FOXN1: variants seen among roughly 807,000 people sequenced by gnomAD.
FOXN1 encodes the protein forkhead box N1.
FOXN1 carries 15 observed loss-of-function variants against 49.0 expected under a neutral mutation model. That is an observed-to-expected ratio of 0.31 (90% CI 0.20 to 0.47). The LOEUF (loss-of-function observed/expected upper bound fraction) is 0.47, where lower values mean the gene tolerates loss of function less well. Ranked by LOEUF, FOXN1 falls within the 20% of genes least tolerant of loss-of-function variation. The pLI is 1.00. For missense variants in FOXN1, 800 were observed against 842.8 expected (o/e 0.95, Z 0.63); for synonymous variants, 356 against 369.0 (o/e 0.96, Z 0.40).
intron 1 of FOXN1, among the ~76,000 whole-genome samples, chr17:28,512,486 A>G (rs534623807): frequency 6.8e-4 from 103 of 152,240 alleles, no homozygotes; most frequent in Admixed American, 9.8e-4. Flanking sequence ...GCTTCAAAAA[A>G]TCCCTGGGAA....
intron 6 of FOXN1, among the ~76,000 whole-genome samples, chr17:28,533,489 C>CCCA (rs2069967340): frequency 6.7e-6 from 1 of 150,254 alleles, no homozygotes; most frequent in African/African-American, 2.5e-5. Flanking sequence ...ACGAGCACCC[C>CCCA]CCCCCACTGC....
chr17:28,519,307 G>A (rs1234105923), intron 1 of FOXN1, among the ~76,000 whole-genome samples: 2 of 151,990 alleles, frequency 1.3e-5, no homozygotes, highest in Admixed American at 6.6e-5. Context: ...CTCCAGCCTG[G>A]GCGACAGCAA....
At chr17:28,516,167 C>G (rs950784658) in intron 1 of FOXN1, among the ~76,000 whole-genome samples, 12 of 151,262 alleles carry the variant, frequency 7.9e-5, no homozygotes, top group Admixed American at 7.2e-4. Context: ...GGATCCATAC[C>G]TCCACAGGGT....
rs911400955 is a variant in FOXN1, at chr17:28,535,044, G to A, written c.1473G>A (p.Ser491=). ...LRAQPGTPQD[S]PLPAHTPPSH... is the part of the protein sequence containing the mutation. ...CCCAGCCAGGCACCCCCCAGGACTCGCCTCTGCCTGCCCACACCCCACCCA... is the reference window on the plus strand; with the variant it reads ...CCCAGCCAGGCACCCCCCAGGACTCACCTCTGCCTGCCCACACCCCACCCA... Residue 491 remains serine (S), a synonymous_variant, in exon 8 of 9, where the codon TCG becomes TCA. Coordinates refer to ENST00000579795, the MANE Select transcript of FOXN1 (RefSeq NM_001369369.1). The A allele has an allele frequency of 1.1e-5, 17 of 1,612,000 alleles. No individual in the cohort carries two copies. Among genetic ancestry groups the A allele is most frequent in the East Asian group, 4.5e-5 (2 of 44,848 alleles).
chr17:28,521,433 G>A (rs936352229), intron 1 of FOXN1, among the ~76,000 whole-genome samples: 5 of 152,226 alleles, frequency 3.3e-5, no homozygotes, highest in African/African-American at 1.2e-4. Context: ...CCGGGGTGAG[G>A]TGTGGCCTCC....
chr17:28,517,758 T>A (rs372273720), intron 1 of FOXN1, among the ~76,000 whole-genome samples: 152 of 59,476 alleles, frequency 2.6e-3, no homozygotes, highest in Non-Finnish European at 2.9e-3. Context: ...ATGCCTGCAC[T>A]GGGTACACAC....
chr17:28,531,334 G>T (rs572628140), intron 6 of FOXN1, among the ~76,000 whole-genome samples: 2 of 152,314 alleles, frequency 1.3e-5, no homozygotes, highest in South Asian at 2.1e-4. Context: ...CTGCAGTTCT[G>T]CCAGAAAGCG....
intron 1 of FOXN1, among the ~76,000 whole-genome samples, chr17:28,511,757 C>T (rs1411636889): frequency 6.6e-6 from 1 of 152,028 alleles, no homozygotes; most frequent in African/African-American, 2.4e-5. Flanking sequence ...GGAAAGGACC[C>T]TCCTGCAGTC....
At chr17:28,518,143 C>T (rs2069569137) in intron 1 of FOXN1, among the ~76,000 whole-genome samples, 1 of 152,060 alleles carries the variant, frequency 6.6e-6, no homozygotes, top group Non-Finnish European at 1.5e-5. Flanking sequence ...GGGTACACAC[C>T]TCCACATGGT....
chr17:28,537,223 T>C lies in FOXN1; in HGVS notation c.1734T>C (p.Pro578=). 6.2e-7 allele frequency: 1 copy of C among 1,613,898 alleles called. No individual in the cohort carries two copies. The change falls in exon 9 of 9, where the codon CCT becomes CCC. Residue 578 remains proline (P), a synonymous_variant. Coordinates refer to ENST00000579795, the MANE Select transcript of FOXN1 (RefSeq NM_001369369.1). The part of the protein sequence containing the change: ...SSSMPPPQPP[P]HCFPPGPCLT... ...CGATGCCACCACCCCAGCCACCACC[T>C]CACTGCTTCCCCCCTGGGCCCTGTC...
Position 28,524,876 on chromosome 17 carries a change from C to T in FOXN1, c.497C>T (p.Ala166Val), listed in dbSNP as rs367793349. 1.9e-4 allele frequency: 308 copies of T among 1,613,652 alleles called. 2 individuals carry two copies. In the South Asian group the frequency reaches 2.3e-3, roughly 12 times the overall value. The change falls in exon 3 of 9, where the codon GCG becomes GTG. Residue 166 changes from alanine (A) to valine (V), a missense_variant. Coordinates refer to ENST00000579795, the MANE Select transcript of FOXN1 (RefSeq NM_001369369.1). ...TTCGAGGAGATCCCAGTGGACGTGG[C>T]GGAGGCCGAGGCCTTCCTGCCTGGC... is the stretch of plus-strand genomic sequence containing the variant. ...EAFEEIPVDV[A>V]EAEAFLPGFS...
At chr17:28,537,040 G>A in intron 8 of FOXN1, 77 bp from the exon 9 acceptor site, 1 of 1,098,040 alleles carries the variant, frequency 9.1e-7, no homozygotes, top group Non-Finnish European at 1.4e-6. Flanking sequence ...AGCATGTGAA[G>A]ATTGACAGGG....
In FOXN1 at chr17:28,534,245, A is replaced by C; in HGVS notation, c.928-86A>C. On this transcript the variant is annotated intron_variant, in intron 6 of 8. Coordinates refer to ENST00000579795, the MANE Select transcript of FOXN1 (RefSeq NM_001369369.1). This position sits in a 1 kb window ranked among gnomAD's most constrained non-coding sequence, Gnocchi z 4.1. ...GCGGCAGCTCTGTGCCCAGAGGAGA[A>C]ACAGGAGTGTTCTAGAACCCAGACC... The C allele has an allele frequency of 6.2e-7, 1 of 1,605,758 alleles. No individual in the cohort carries two copies. Among genetic ancestry groups the C allele is most frequent in the Non-Finnish European group, 8.5e-7 (1 of 1,176,700 alleles).
chr17:28,522,608 C>A (rs2151484847), intron 1 of FOXN1, among the ~76,000 whole-genome samples: 1 of 152,156 alleles, frequency 6.6e-6, no homozygotes, highest in South Asian at 2.1e-4. Flanking sequence ...GAGCATGCCA[C>A]CGCACTCCAG....
rs1222239246 is a variant in FOXN1, at chr17:28,534,306, T to C, written c.928-25T>C. On this transcript the variant is annotated intron_variant, in intron 6 of 8. Transcript: ENST00000579795. This position sits in a 1 kb window ranked among gnomAD's most constrained non-coding sequence, Gnocchi z 4.1. ...TCTGGCTTCCTGAGCCTGGCCTGAA[T>C]GCTTGTCTTGCTCTGTTCCGGCAGA... The C allele has an allele frequency of 6.2e-7, 1 of 1,614,096 alleles. No individual in the cohort carries two copies. Among genetic ancestry groups the C allele is most frequent in the Admixed American group, 1.7e-5 (1 of 60,024 alleles).
At chr17:28,523,247 T>C (rs2069677994) in intron 1 of FOXN1, among the ~76,000 whole-genome samples, 1 of 152,066 alleles carries the variant, frequency 6.6e-6, no homozygotes, top group Non-Finnish European at 1.5e-5. Context: ...CAGGTTAGAG[T>C]TTGGAGGACA....
intron 3 of FOXN1, 78 bp from the exon 4 acceptor site, chr17:28,527,173 T>C (rs2069789776): frequency 3.1e-6 from 3 of 967,866 alleles, no homozygotes; most frequent in Non-Finnish European, 4.9e-6. Context: ...GGGTTGCTTT[T>C]ATGTAAGGTT....
intron 1 of FOXN1, among the ~76,000 whole-genome samples, chr17:28,520,822 C>T (rs59789112): frequency 0.03 from 4,509 of 152,244 alleles, 206 homozygotes; most frequent in African/African-American, 0.1. Flanking sequence ...GAGAGGCCTC[C>T]CCAGGTTCAC....
At position 28,530,037 on chromosome 17, in the gene FOXN1, G is replaced by C. The variant is rs1312893020; in HGVS notation, c.831-712G>C. ...TTTAAAAAAAAAAAAAAATGTCAGG[G>C]GTTGGGGGCAAGGGGAGGGACAACG... On this transcript the variant is annotated intron_variant, in intron 5 of 8. Transcript: ENST00000579795. 2.6e-5 allele frequency among the ~76,000 whole-genome samples: 4 copies of C among 151,894 alleles called. No individual in the cohort carries two copies. The East Asian group carries it at 7.7e-4, about 29-fold the overall frequency.
Sources: gnomAD v4.1 joint callset for allele counts (sites outside exome capture counted in the v4.1 genomes callset) on GRCh38, gnomAD v4.1.1 for gene constraint, Gnocchi (gnomAD v3.1) non-coding constraint, MANE v1.5 for transcripts, NCBI Gene and HGNC (gene_info 2026-07-23, HGNC 2026-07-21) for gene names.